Variants in ANKS1B observed in about 807,000 individuals in gnomAD.
The protein encoded by ANKS1B is ankyrin repeat and sterile alpha motif domain containing 1B.
ANKS1B carries 36 observed loss-of-function variants against 148.3 expected under a neutral mutation model. The ratio of observed to expected loss-of-function variants is 0.24; its 90% CI spans 0.19 to 0.32. ANKS1B has a LOEUF of 0.32. ANKS1B is among the 10% of genes least tolerant of loss of function. The probability of loss-of-function intolerance (pLI) is 1.00; values close to 1 mark genes in which losing one functional copy is unlikely to be tolerated. For synonymous variants in ANKS1B, 542 were observed against 560.8 expected, an observed-to-expected ratio of 0.97 and a Z score of 0.47; for missense variants, 1,157 against 1,542.6, an observed-to-expected ratio of 0.75 and a Z score of 4.19.
At chr12:99,398,611 A>G (rs773271818) in intron 12 of ANKS1B, among the ~76,000 whole-genome samples, 20 of 152,176 alleles carry the variant, frequency 1.3e-4, no homozygotes, top group Non-Finnish European at 2.5e-4. Flanking sequence ...TCTAGGGCAC[A>G]TAACACTGTT....
chr12:99,590,434 CTATTA>C (rs2097691420), intron 9 of ANKS1B, among the ~76,000 whole-genome samples: 1 of 152,160 alleles, frequency 6.6e-6, no homozygotes, highest in Non-Finnish European at 1.5e-5. Flanking sequence ...TTATCTGTCT[CTATTA>C]TAACTGCCAA....
rs146475560 is a variant in ANKS1B at position 99,643,429 on chromosome 12, T to G, written c.1272+11638A>C. 1.2e-3 allele frequency among the ~76,000 whole-genome samples: 178 copies of G among 152,180 alleles called. 1 individual carries two copies. The highest frequency in any genetic ancestry group is 4.1e-3 in the African/African-American group (172 of 41,506). ...AGAGAGAGAAATGAAAAATAAAAAG[T>G]GAGTCAACAGTCCGAAGCAATTCAG... On this transcript the variant is annotated intron_variant, in intron 9 of 26. Transcript: ENST00000683438.
chr12:99,978,631 C>T (rs2095656300), intron 1 of ANKS1B, among the ~76,000 whole-genome samples: 1 of 152,160 alleles, frequency 6.6e-6, no homozygotes, highest in Non-Finnish European at 1.5e-5. Context: ...TTTCTTATAT[C>T]AGGGTCCCAA....
At chr12:98,977,053 T>G (rs2099897819) in intron 17 of ANKS1B, among the ~76,000 whole-genome samples, 1 of 152,240 alleles carries the variant, frequency 6.6e-6, no homozygotes, top group Non-Finnish European at 1.5e-5. Context: ...TCAGCATGTA[T>G]GAGCATCTTT....
chr12:99,308,339 G>T (rs1602665696), intron 12 of ANKS1B, among the ~76,000 whole-genome samples: 1 of 151,922 alleles, frequency 6.6e-6, no homozygotes, highest in East Asian at 1.9e-4. Flanking sequence ...AATTAGGTTG[G>T]TAAAGAAGTT....
intron 9 of ANKS1B, among the ~76,000 whole-genome samples, chr12:99,603,475 C>A (rs1484305803): frequency 6.6e-6 from 1 of 152,074 alleles, no homozygotes; most frequent in Non-Finnish European, 1.5e-5. Flanking sequence ...TTTATTGGCT[C>A]CATAATGTCA....
At chr12:98,785,543 G>A (rs2098784487) in intron 22 of ANKS1B, among the ~76,000 whole-genome samples, 2 of 152,192 alleles carry the variant, frequency 1.3e-5, no homozygotes, top group Non-Finnish European at 2.9e-5. Context: ...TCTAATCTGG[G>A]AGGCAAGAAA....
rs906883411 is a variant in ANKS1B at position 99,815,584 on chromosome 12, C to T, written c.216-3273G>A. On this transcript the variant is annotated intron_variant, in intron 2 of 26. Transcript: ENST00000683438. ...TGGTAAATTCTGAGATTTTAGTGCACTCATCATCCAAGTAGTGCACAATGT... is the reference window on the plus strand; with the variant it reads ...TGGTAAATTCTGAGATTTTAGTGCATTCATCATCCAAGTAGTGCACAATGT... 2.0e-5 allele frequency among the ~76,000 whole-genome samples: 3 copies of T among 151,284 alleles called. No individual in the cohort carries two copies. In the East Asian group the frequency reaches 5.8e-4, roughly 29 times the overall value.
intron 1 of ANKS1B, among the ~76,000 whole-genome samples, chr12:99,925,443 G>C (rs2094458432): frequency 6.6e-6 from 1 of 152,176 alleles, no homozygotes; most frequent in African/African-American, 2.4e-5. Flanking sequence ...GTCTCCCTGA[G>C]AATTCTTAAA....
At chr12:99,624,565 C>A (rs928659124) in intron 9 of ANKS1B, among the ~76,000 whole-genome samples, 1 of 151,926 alleles carries the variant, frequency 6.6e-6, no homozygotes, top group African/African-American at 2.4e-5. Flanking sequence ...AAGCAAATAA[C>A]CCCATTAAAA....
intron 9 of ANKS1B, among the ~76,000 whole-genome samples, chr12:99,515,920 T>C (rs953795935): frequency 8.5e-5 from 13 of 152,186 alleles, no homozygotes; most frequent in African/African-American, 2.9e-4. Flanking sequence ...TCAGTGATGC[T>C]GAGCACCTTT....
At position 99,402,328 on chromosome 12, in the gene ANKS1B, T is replaced by G. The variant is rs575245173; in HGVS notation, c.1576-2517A>C. On this transcript the variant is annotated intron_variant, in intron 11 of 26. Coordinates refer to ENST00000683438, the MANE Select transcript of ANKS1B (RefSeq NM_001352186.2). ...AAGTGAACCTTCCTTTTTTATATTT[T>G]TATTTTAAGTTCAGGGGTACATGTG... Among the ~76,000 whole-genome samples the G allele has an allele frequency of 2.1e-5, 3 of 145,996 alleles. 1 individual carries two copies. Among genetic ancestry groups the G allele is most frequent in the African/African-American group, 7.8e-5 (3 of 38,524 alleles).
chr12:99,265,042 C>G (rs1277476202), intron 12 of ANKS1B, among the ~76,000 whole-genome samples: 1 of 152,132 alleles, frequency 6.6e-6, no homozygotes, highest in Non-Finnish European at 1.5e-5. Flanking sequence ...CACATGATTA[C>G]TGTGCACTTG....
chr12:98,799,701 G>T (rs575854288), intron 21 of ANKS1B, among the ~76,000 whole-genome samples: 2 of 152,004 alleles, frequency 1.3e-5, no homozygotes, highest in African/African-American at 4.8e-5. Flanking sequence ...GTATCATCCT[G>T]GTACAAAATG....
At chr12:99,969,382 T>C (rs1051787706) in intron 1 of ANKS1B, among the ~76,000 whole-genome samples, 15 of 152,114 alleles carry the variant, frequency 9.9e-5, no homozygotes, top group Non-Finnish European at 1.9e-4. Flanking sequence ...CAGGATCTTA[T>C]TATGTTGCCC....
chr12:99,325,932 G>T (rs904880208), intron 12 of ANKS1B, among the ~76,000 whole-genome samples: 1 of 151,980 alleles, frequency 6.6e-6, no homozygotes, highest in East Asian at 1.9e-4. Context: ...AGCATGGCTC[G>T]GAGGCCTCAG....
chr12:99,235,786 A>G (rs2087787217), intron 14 of ANKS1B, among the ~76,000 whole-genome samples: 1 of 152,208 alleles, frequency 6.6e-6, no homozygotes. Flanking sequence ...AAAAATTATC[A>G]CTTAATTAAC....
chr12:99,088,206 C>T (rs112627509), intron 15 of ANKS1B, among the ~76,000 whole-genome samples: 1,624 of 152,242 alleles, frequency 0.011, 13 homozygotes, highest in Non-Finnish European at 0.016. Context: ...TTATCTTTTT[C>T]TATAATACAT....
intron 8 of ANKS1B, among the ~76,000 whole-genome samples, chr12:99,717,483 C>T (rs976580952): frequency 6.6e-6 from 1 of 152,180 alleles, no homozygotes; most frequent in Non-Finnish European, 1.5e-5. Flanking sequence ...ATCTGGCCAC[C>T]AGGCCAAGGA....
Sources: allele counts gnomAD v4.1 joint callset (sites outside exome capture counted in the v4.1 genomes callset), GRCh38; gene constraint gnomAD v4.1.1; transcripts MANE v1.5; gene names NCBI Gene and HGNC (gene_info 2026-07-23, HGNC 2026-07-21).